MAGI2: variants seen among roughly 807,000 people sequenced by gnomAD.
MAGI2 encodes the protein membrane-associated guanylate kinase, WW and PDZ domain-containing protein 2.
A neutral mutation model predicts 133.3 loss-of-function variants in MAGI2; 35 were observed. The ratio of observed to expected loss-of-function variants is 0.26; its 90% CI spans 0.20 to 0.35. MAGI2 has a LOEUF of 0.35. MAGI2 is among the 10% of genes least tolerant of loss of function. MAGI2 has a pLI of 1.00. For missense variants in MAGI2, 1,636 were observed against 1,863.4 expected, an observed-to-expected ratio of 0.88 and a Z score of 2.25; for synonymous variants, 729 against 710.6, an observed-to-expected ratio of 1.03 and a Z score of -0.41.
intron 6 of MAGI2, among the ~76,000 whole-genome samples, chr7:78,386,224 G>A (rs945362390): frequency 6.6e-6 from 1 of 151,980 alleles, no homozygotes; most frequent in African/African-American, 2.4e-5. Flanking sequence ...TCACTATTTT[G>A]CATTACTCTC....
chr7:78,837,137 A>G (rs142057771), intron 2 of MAGI2, among the ~76,000 whole-genome samples: 78 of 152,260 alleles, frequency 5.1e-4, no homozygotes, highest in African/African-American at 1.6e-3. Context: ...CAGAGTCAAG[A>G]TGTGGGCCTC....
chr7:78,361,429 C>G (rs76282765), intron 7 of MAGI2, among the ~76,000 whole-genome samples: 2,378 of 151,454 alleles, frequency 0.016, 56 homozygotes, highest in African/African-American at 0.054. Flanking sequence ...ATACAACCCC[C>G]CTCCCCCCCA....
At chr7:78,689,682 C>CTTTTTTT (rs200333526) in intron 2 of MAGI2, among the ~76,000 whole-genome samples, 300 of 91,994 alleles carry the variant, frequency 3.3e-3, no homozygotes, top group East Asian at 5.4e-3. Flanking sequence ...TTGGATCTGG[C>CTTTTTTT]TTTTTTTTTT....
chr7:78,119,288 A>T (rs1820183500), intron 20 of MAGI2, among the ~76,000 whole-genome samples: 1 of 152,172 alleles, frequency 6.6e-6, no homozygotes, highest in South Asian at 2.1e-4. Context: ...GGCCGGGGGC[A>T]GTGGCTCACG....
rs114511994 is a variant in MAGI2, at chr7:78,799,793, C to A, written c.419-172554G>T. On this transcript the variant is annotated intron_variant, in intron 2 of 21. Coordinates refer to ENST00000354212, the MANE Select transcript of MAGI2 (RefSeq NM_012301.4). ...GTGCTGTAGCTCTCTGCCTTTCTTA[C>A]CTGAGTATTTTGAGATTTTTCTGCC... is the stretch of plus-strand genomic sequence containing the variant. Among the ~76,000 whole-genome samples, 1,307 of 152,210 alleles carry A rather than the reference C, an allele frequency of 8.6e-3. 19 individuals are homozygous for A. Among genetic ancestry groups the A allele is most frequent in the African/African-American group, 0.03 (1,228 of 41,538 alleles).
At chr7:79,011,849 C>T (rs1371967750) in intron 1 of MAGI2, among the ~76,000 whole-genome samples, 3 of 151,924 alleles carry the variant, frequency 2.0e-5, no homozygotes, top group African/African-American at 4.8e-5. Flanking sequence ...TCTTGTACCA[C>T]GTTCTTTTGG....
At chr7:78,085,055 C>A (rs1008321801) in intron 20 of MAGI2, among the ~76,000 whole-genome samples, 1 of 152,156 alleles carries the variant, frequency 6.6e-6, no homozygotes, top group African/African-American at 2.4e-5. Context: ...GTTGCCTCAG[C>A]AAGGCACAGG....
chr7:78,330,615 C>CAAAAAAAAAAAAAAAAAA (rs4024122), intron 9 of MAGI2, among the ~76,000 whole-genome samples: 1 of 6,940 alleles, frequency 1.4e-4, no homozygotes, highest in Non-Finnish European at 2.6e-4. Context: ...GACTCCGTCT[C>CAAAAAAAAAAAAAAAAAA]AAAAAAAAAA....
intron 2 of MAGI2, among the ~76,000 whole-genome samples, chr7:78,928,171 C>T (rs564811644): frequency 2.6e-5 from 4 of 151,936 alleles, no homozygotes; most frequent in Non-Finnish European, 5.9e-5. Context: ...CAAATAGTTC[C>T]TTCCACAGGA....
intron 2 of MAGI2, among the ~76,000 whole-genome samples, chr7:78,926,378 G>T (rs1799693659): frequency 1.3e-5 from 2 of 151,962 alleles, no homozygotes; most frequent in Non-Finnish European, 1.5e-5. Context: ...TGAGTTCAAA[G>T]AATTCTTTCT....
chr7:78,285,662 C>G (rs1226639469), intron 9 of MAGI2: 2 of 152,182 alleles, frequency 1.3e-5, no homozygotes, highest in Non-Finnish European at 2.9e-5. Flanking sequence ...TCTCTGTGCT[C>G]TAAGCTCAGC....
At chr7:78,842,329 A>G (rs1247908675) in intron 2 of MAGI2, among the ~76,000 whole-genome samples, 2 of 152,110 alleles carry the variant, frequency 1.3e-5, no homozygotes, top group East Asian at 3.9e-4. Flanking sequence ...CCTTGAAGAG[A>G]CAGGCTGTCA....
Position 79,040,748 on chromosome 7 carries a change from A to G in MAGI2, c.302-33542T>C, listed in dbSNP as rs575008045. Among the ~76,000 whole-genome samples the G allele has an allele frequency of 1.6e-4, 25 of 152,166 alleles. No individual in the cohort carries two copies. In the South Asian group the frequency reaches 5.0e-3, roughly 30 times the overall value. On this transcript the variant is annotated intron_variant, in intron 1 of 21. Coordinates refer to ENST00000354212, the MANE Select transcript of MAGI2 (RefSeq NM_012301.4). ...CATTTCCCCCGCTTGCACTCACTCC[A>G]CTGTCACCCTGTGAAGAAGATGCCT...
chr7:78,647,825 G>A (rs901730635), intron 2 of MAGI2, among the ~76,000 whole-genome samples: 1 of 152,140 alleles, frequency 6.6e-6, no homozygotes, highest in African/African-American at 2.4e-5. Flanking sequence ...CATAAAAAAG[G>A]ATGAGTTCAT....
intron 2 of MAGI2, among the ~76,000 whole-genome samples, chr7:78,724,510 T>C (rs2151207652): frequency 1.3e-5 from 2 of 152,258 alleles, no homozygotes; most frequent in Middle Eastern, 6.8e-3. Flanking sequence ...TGAGGGAGTT[T>C]ACAGAACCCA....
chr7:79,024,880 AG>A (rs1259570152), intron 1 of MAGI2, among the ~76,000 whole-genome samples: 1 of 152,084 alleles, frequency 6.6e-6, no homozygotes, highest in Non-Finnish European at 1.5e-5. Context: ...TGTGGAGAAA[AG>A]GGAACACTTA....
At chr7:79,045,209 C>T (rs1319536002) in intron 1 of MAGI2, among the ~76,000 whole-genome samples, 1 of 152,016 alleles carries the variant, frequency 6.6e-6, no homozygotes. Context: ...TCAGTGGCTT[C>T]CTAGGGGTGA....
chr7:78,223,626 A>G (rs1315482302), intron 10 of MAGI2, among the ~76,000 whole-genome samples: 2 of 152,242 alleles, frequency 1.3e-5, no homozygotes, highest in Non-Finnish European at 1.5e-5. Context: ...ATAACCATTA[A>G]AAATGTTGAT....
At chr7:78,729,097 G>C (rs13437895) in intron 2 of MAGI2, among the ~76,000 whole-genome samples, 2,618 of 152,190 alleles carry the variant, frequency 0.017, 75 homozygotes, top group African/African-American at 0.058. Context: ...TATGACTTAA[G>C]TCTTTACAAT....
Sources: gnomAD v4.1 joint callset for allele counts (sites outside exome capture counted in the v4.1 genomes callset) on GRCh38, gnomAD v4.1.1 for gene constraint, MANE v1.5 for transcripts, NCBI Gene and HGNC (gene_info 2026-07-23, HGNC 2026-07-21) for gene names.